WDR18: variants seen among roughly 807,000 people sequenced by gnomAD.
WDR18 encodes the protein WD repeat domain 18, also known as WD repeat-containing protein 18.
A neutral mutation model predicts 49.6 loss-of-function variants in WDR18; 33 were observed. That is an observed-to-expected ratio of 0.67 (90% CI 0.50 to 0.89). The LOEUF (loss-of-function observed/expected upper bound fraction) is 0.89. WDR18 is among the 40% of genes least tolerant of loss of function. The pLI is 0.00. For synonymous variants in WDR18, 315 were observed against 263.6 expected, an observed-to-expected ratio of 1.19 and a Z score of -1.89; for missense variants, 653 against 593.6, an observed-to-expected ratio of 1.10 and a Z score of -1.04.
At chr19:994,122 G>T in intron 9 of WDR18, 34 bp downstream of exon 9, 1 of 1,549,280 alleles carries the variant, frequency 6.5e-7, no homozygotes, top group Non-Finnish European at 8.7e-7. Context: ...GGGGCCTGAG[G>T]CTGGGGTCAG....
intron 2 of WDR18, among the ~76,000 whole-genome samples, chr19:989,188 C>A (rs1044298634): frequency 2.1e-5 from 3 of 142,522 alleles, no homozygotes; most frequent in Middle Eastern, 3.5e-3. Context: ...GTCCTCGAAC[C>A]CACAACCCCC....
chr19:990,847 C>T lies in WDR18; in HGVS notation c.598-5C>T, dbSNP rs758173580. ...CCGAGCCCCACGCCCTTTGCCCACC[C>T]GCAGCTATGGGAGGTCTCCTCGGGG... On this transcript the variant is annotated splice_region_variant and splice_polypyrimidine_tract_variant and intron_variant, in intron 4 of 9. Transcript: ENST00000585809. The T allele has an allele frequency of 1.3e-5, 20 of 1,597,774 alleles. No individual in the cohort carries two copies. Among genetic ancestry groups the T allele is most frequent in the Non-Finnish European group, 1.5e-5 (17 of 1,171,554 alleles).
At chr19:983,345 G>A (rs957207712), upstream of WDR18, among the ~76,000 whole-genome samples, 1 of 152,134 alleles carries the variant, frequency 6.6e-6, no homozygotes, top group Admixed American at 6.5e-5. Flanking sequence ...GCCCAGGCTG[G>A]AGTGCCTGGG....
intron 2 of WDR18, among the ~76,000 whole-genome samples, chr19:988,700 G>C (rs1460458490): frequency 6.6e-6 from 1 of 152,170 alleles, no homozygotes; most frequent in East Asian, 1.9e-4. Context: ...GCCCTGGGAG[G>C]AGCCTTCCCA....
At chr19:992,925 A>G (rs2038578774) in intron 8 of WDR18, among the ~76,000 whole-genome samples, 1 of 152,144 alleles carries the variant, frequency 6.6e-6, no homozygotes, top group Non-Finnish European at 1.5e-5. Context: ...GTACAGATTG[A>G]TTTTTTTATC....
Position 990,775 on chromosome 19 carries a change from C to A in WDR18, c.598-77C>A. ...CCAGAGGACAGCCGACGCCTGACCTCCCTGGTGCCCCTGTTCCCATGGGGT... is the reference window on the plus strand; with the variant it reads ...CCAGAGGACAGCCGACGCCTGACCTACCTGGTGCCCCTGTTCCCATGGGGT... On this transcript the variant is annotated intron_variant, in intron 4 of 9. Transcript: ENST00000585809. The A allele has an allele frequency of 4.0e-6, 6 of 1,515,278 alleles. 1 individual carries two copies. The South Asian group carries it at 4.0e-5, about 10-fold the overall frequency. 93.9% of individuals were successfully genotyped at this position (1,515,278 alleles called of 1,614,324 possible). A position where few individuals can be genotyped will look rare whatever the true frequency, so the allele number is the denominator to read the frequency against.
rs1433737651 is a variant in WDR18 at position 984,709 on chromosome 19, G to A, written c.210+146G>A. The A allele has an allele frequency of 5.4e-6, 5 of 918,838 alleles. No individual in the cohort carries two copies. In the East Asian group the frequency reaches 1.6e-4, roughly 30 times the overall value. 56.9% of individuals were successfully genotyped at this position (918,838 alleles called of 1,614,324 possible). ...CCGTTCGGGCGCTCTGCGCATGCGC[G>A]GGTCTGGGGGCTTTGGGGAGATACG... On this transcript the variant is annotated intron_variant, in intron 1 of 9. Coordinates refer to ENST00000585809, the MANE Select transcript of WDR18 (RefSeq NM_024100.4).
chr19:989,864 G>A lies in WDR18; in HGVS notation c.424G>A (p.Asp142Asn). 6.2e-7 allele frequency: 1 copy of A among 1,612,230 alleles called. No homozygotes were observed. The highest frequency in any genetic ancestry group is 8.5e-7 in the Non-Finnish European group (1 of 1,179,556). The change falls in exon 3 of 10, where the codon GAC becomes AAC. Residue 142 changes from aspartate to asparagine, a missense_variant. By Grantham distance (23) the Asp-to-Asn change is conservative (BLOSUM62 1). Transcript: ENST00000585809. Reference protein sequence around the residue: ...DSSHFISGGKDCLVLVWSLCS... With the variant: ...DSSHFISGGKNCLVLVWSLCS... ...CAGCCACTTCATCTCAGGGGGCAAG[G>A]ACTGCCTGGTGCTGGTTTGGAGCCT... is the stretch of plus-strand genomic sequence containing the variant.
intron 8 of WDR18, 46 bp from the exon 9 acceptor site, chr19:993,974 G>A (rs1285474449): frequency 3.9e-5 from 61 of 1,544,396 alleles, no homozygotes; most frequent in Non-Finnish European, 5.2e-5. Flanking sequence ...AGCGTGTGGT[G>A]TGTGACAGGA....
chr19:993,025 A>C (rs893652261), intron 8 of WDR18, among the ~76,000 whole-genome samples: 1 of 152,004 alleles, frequency 6.6e-6, no homozygotes, highest in African/African-American at 2.4e-5. Context: ...ATGGAGTGAC[A>C]CTCTGTTTTC....
chr19:990,491 T>C, intron 4 of WDR18, 127 bp downstream of exon 4: 4 of 1,313,324 alleles, frequency 3.0e-6, no homozygotes, highest in Non-Finnish European at 1.0e-6. Flanking sequence ...TTTAATCCCC[T>C]GGTGCTCTGA....
chr19:985,798 G>A (rs934252583), intron 1 of WDR18, 67 bp from the exon 2 acceptor site: 89 of 1,499,672 alleles, frequency 5.9e-5, no homozygotes, highest in Middle Eastern at 1.7e-4. Flanking sequence ...CCCTCCCCTC[G>A]CCCTCCACTG....
intron 1 of WDR18, among the ~76,000 whole-genome samples, chr19:984,895 CTG>C (rs1362088256): frequency 1.3e-5 from 2 of 152,134 alleles, no homozygotes; most frequent in East Asian, 3.9e-4. Flanking sequence ...CCTATGAGCT[CTG>C]TGGATGTTGT....
At position 989,953 on chromosome 19, in the gene WDR18, G is replaced by A. The variant is rs2038522063; in HGVS notation, c.455+58G>A. 4 of 1,539,402 alleles carry A rather than the reference G, an allele frequency of 2.6e-6. No homozygotes were observed. In the Admixed American group the frequency reaches 6.0e-5, roughly 23 times the overall value. On this transcript the variant is annotated intron_variant, in intron 3 of 9. Transcript: ENST00000585809. The stretch of plus-strand genomic sequence containing the variant: ...AACTGCACCCGGGCTCAGGCGGGGA[G>A]AGGAGGCGCCAAGGCCCCTGGCGGG...
In WDR18 at chr19:984,619, G is replaced by A. The variant is rs942515836; in HGVS notation, c.210+56G>A. The A allele has an allele frequency of 3.6e-6, 5 of 1,372,966 alleles. No individual in the cohort carries two copies. In the African/African-American group the frequency reaches 7.6e-5, roughly 21 times the overall value. 85.0% of individuals were successfully genotyped at this position (1,372,966 alleles called of 1,614,324 possible). On this transcript the variant is annotated intron_variant, in intron 1 of 9. Coordinates refer to ENST00000585809, the MANE Select transcript of WDR18 (RefSeq NM_024100.4). ...ATGGGGCGCCCGAGGCTGAAGTCGG[G>A]GGATGGGTTGGTGGGGGCCGCGTGC... is the stretch of plus-strand genomic sequence containing the variant.
chr19:991,891 CT>C, intron 7 of WDR18, 63 bp from the exon 8 acceptor site: 1 of 1,406,630 alleles, frequency 7.1e-7, no homozygotes, highest in Non-Finnish European at 9.2e-7. Context: ...TGGGGCGGAA[CT>C]TGGCTTGCTG....
chr19:991,300 C>A lies in WDR18; in HGVS notation c.880C>A (p.Arg294Ser). The A allele has an allele frequency of 6.4e-7, 1 of 1,561,950 alleles. No individual in the cohort carries two copies. The highest frequency in any genetic ancestry group is 8.7e-7 in the Non-Finnish European group (1 of 1,152,988). ...LLSGSHDETVRLWDVQSKQCI... is the reference protein window; with the variant it reads ...LLSGSHDETVSLWDVQSKQCI... ...CTCAGGCTCCCACGACGAGACCGTGCGCCTCTGGGACGTGCAGAGCAAGCA... is the reference window on the plus strand; with the variant it reads ...CTCAGGCTCCCACGACGAGACCGTGAGCCTCTGGGACGTGCAGAGCAAGCA... The change falls in exon 7 of 10, where the codon CGC (arginine) becomes AGC (serine). Residue 294 changes from arginine (R) to serine (S), a missense_variant. Coordinates refer to ENST00000585809, the MANE Select transcript of WDR18 (RefSeq NM_024100.4).
At position 985,852 on chromosome 19, in the gene WDR18, T is replaced by G. The variant is rs368839786; in HGVS notation, c.211-13T>G. Reference sequence around the variant, plus strand: ...CCTGCATGGGGCTCACGAGGCTGACTGTGCATCCTTAGGACCAGCTCCAGC... The same window carrying G: ...CCTGCATGGGGCTCACGAGGCTGACGGTGCATCCTTAGGACCAGCTCCAGC... On this transcript the variant is annotated splice_polypyrimidine_tract_variant and intron_variant, in intron 1 of 9. Transcript: ENST00000585809. The G allele has an allele frequency of 1.2e-6, 2 of 1,613,448 alleles. No individual in the cohort carries two copies. Among genetic ancestry groups the G allele is most frequent in the African/African-American group, 2.7e-5 (2 of 74,914 alleles).
chr19:993,670 CG>C (rs527552569), intron 8 of WDR18, among the ~76,000 whole-genome samples: 1 of 152,344 alleles, frequency 6.6e-6, no homozygotes, highest in Admixed American at 6.5e-5. Context: ...GTGAGGCCCT[CG>C]CCAGGCCCTG....
Sources: allele counts gnomAD v4.1 joint callset (sites outside exome capture counted in the v4.1 genomes callset), GRCh38; gene constraint gnomAD v4.1.1; transcripts MANE v1.5; gene names NCBI Gene and HGNC (gene_info 2026-07-23, HGNC 2026-07-21).